Variants in ROBO3 observed in about 807,000 individuals in gnomAD.
The protein encoded by ROBO3 is roundabout homolog 3.
ROBO3 carries 97 observed loss-of-function variants against 160.5 expected under a neutral mutation model. The ratio of observed to expected loss-of-function variants is 0.60; its 90% CI spans 0.51 to 0.72. The LOEUF (loss-of-function observed/expected upper bound fraction) is 0.72, where lower values mean the gene tolerates loss of function less well. Among genes scored for constraint, ROBO3 ranks in the 30% least tolerant of loss-of-function variants. The pLI, the probability that ROBO3 is intolerant of heterozygous loss-of-function variation, is 0.00. For synonymous variants in ROBO3, 780 were observed against 746.2 expected (o/e 1.05, Z -0.74); for missense variants, 1,858 against 1,846.5 (o/e 1.01, Z -0.11).
intron 1 of ROBO3, among the ~76,000 whole-genome samples, chr11:124,866,967 T>C (rs1946205476): frequency 6.6e-6 from 1 of 152,160 alleles, no homozygotes. Flanking sequence ...CTAGCGCGTT[T>C]ACAGAGTGTT....
In ROBO3 at chr11:124,873,879, G is replaced by T. The variant is rs367685536; in HGVS notation, c.1784+17G>T. ...GGCCTTCAGGTATGGAGAAAGTTTT[G>T]AATGCAAACCTGGAGAGTTAAAAGG... On this transcript the variant is annotated intron_variant, in intron 11 of 27. Transcript: ENST00000397801. This position sits in a 1 kb window ranked among gnomAD's most constrained non-coding sequence, Gnocchi z 4.5. The T allele has an allele frequency of 1.5e-5, 24 of 1,611,672 alleles. No individual in the cohort carries two copies. Among genetic ancestry groups the T allele is most frequent in the Non-Finnish European group, 2.0e-5 (24 of 1,178,688 alleles).
rs1946380455 is a variant in ROBO3, at chr11:124,876,512, A to G, written c.2779+52A>G. The stretch of plus-strand genomic sequence containing the variant: ...GATCCGGGAGGGAGCCAGGCGGCCC[A>G]TGGGGAGGGGCAGGGGCTTAGCCGC... On this transcript the variant is annotated intron_variant, in intron 17 of 27. Transcript: ENST00000397801. The surrounding 1 kb of genome is among the most constrained non-coding windows in gnomAD (Gnocchi z 5.3). 2.3e-6 allele frequency: 3 copies of G among 1,328,526 alleles called. No individual in the cohort carries two copies. The highest frequency in any genetic ancestry group is 3.1e-5 in the African/African-American group (2 of 64,650). The allele number at this position is 1,328,526 out of a possible 1,614,324, so 82.3% of individuals were successfully genotyped here.
rs185034993 is a variant in ROBO3, at chr11:124,878,474, G to C, written c.3320+38G>C. On this transcript the variant is annotated intron_variant, in intron 22 of 27. Coordinates refer to ENST00000397801, the MANE Select transcript of ROBO3 (RefSeq NM_022370.4). This position sits in a 1 kb window ranked among gnomAD's most constrained non-coding sequence, Gnocchi z 4.3. ...CCTGCTTCCAGGCCCACACACCTGC[G>C]GCCAGACCATGGGCTGCTGGGGAGG... The C allele has an allele frequency of 2.5e-6, 4 of 1,607,632 alleles. No individual in the cohort carries two copies. The highest frequency in any genetic ancestry group is 1.8e-4 in the Middle Eastern group (1 of 5,714).
In ROBO3 at chr11:124,878,199, C is replaced by T. The variant is rs1946453088; in HGVS notation, c.3181+68C>T. 3 of 1,566,702 alleles carry T rather than the reference C, an allele frequency of 1.9e-6. No homozygotes were observed. The African/African-American group carries it at 4.1e-5, about 21-fold the overall frequency. ...GTATCCCCAAAGAGGATCCTCCTCC[C>T]TGACCCTCTGGCACCTAGCCCGGCA... On this transcript the variant is annotated intron_variant, in intron 21 of 27. Coordinates refer to ENST00000397801, the MANE Select transcript of ROBO3 (RefSeq NM_022370.4). The surrounding 1 kb of genome is among the most constrained non-coding windows in gnomAD (Gnocchi z 4.3).
In ROBO3 at chr11:124,876,739, G is replaced by C. The variant is rs1383508313; in HGVS notation, c.2779+279G>C. On this transcript the variant is annotated intron_variant, in intron 17 of 27. Transcript: ENST00000397801. This position sits in a 1 kb window ranked among gnomAD's most constrained non-coding sequence, Gnocchi z 5.3. The stretch of plus-strand genomic sequence containing the variant: ...TTGCAACCATCTCCATAAAGAAGGG[G>C]CAAGTTCGAGGACGGAAAGCCCACT... The C allele has an allele frequency of 3.1e-6, 1 of 325,934 alleles. No individual in the cohort carries two copies. The highest frequency in any genetic ancestry group is 4.0e-5 in the South Asian group (1 of 24,716). 20.2% of individuals were successfully genotyped at this position (325,934 alleles called of 1,614,324 possible).
In ROBO3 at chr11:124,877,570, G is replaced by GC; in HGVS notation, c.2902dup (p.His968ProfsTer18). ...CCTACTCATGGCTGGCAGATTCGTG[G>GC]CCCCACCCATCTCGAAGCCCCTCGG... On this transcript the variant is annotated frameshift_variant, in exon 20 of 28. Transcript: ENST00000397801. LOFTEE classifies it high-confidence loss of function. 6.2e-7 allele frequency: 1 copy of GC among 1,602,506 alleles called. No individual in the cohort carries two copies. Among genetic ancestry groups the GC allele is most frequent in the Non-Finnish European group, 8.5e-7 (1 of 1,175,104 alleles).
rs770529054 is a variant in ROBO3, at chr11:124,880,552, CGG to C, written c.4094_4095del (p.Arg1365GlnfsTer32). The C allele has an allele frequency of 4.2e-5, 34 of 800,762 alleles. No individual in the cohort carries two copies. In the African/African-American group the frequency reaches 2.0e-3, roughly 48 times the overall value. The allele number at this position is 800,762 out of a possible 1,614,324, so 49.6% of individuals were successfully genotyped here. A position where few individuals can be genotyped will look rare whatever the true frequency, so the allele number is the denominator to read the frequency against. ...SRGSRGPGRS[R>X]SRSQSRSQSQ... Reference sequence around the variant, plus strand: ...GGGCTCCCGGGGCCCTGGCCGGAGCCGGAGTCGGAGTCAGAGCCGGAGCCAGA... The same window carrying C: ...GGGCTCCCGGGGCCCTGGCCGGAGCCAGTCGGAGTCAGAGCCGGAGCCAGA... On this transcript the variant is annotated frameshift_variant, in exon 27 of 28. Transcript: ENST00000397801. LOFTEE classifies it high-confidence loss of function.
At position 124,869,524 on chromosome 11, in the gene ROBO3, G is replaced by C; in HGVS notation, c.562G>C (p.Val188Leu). The stretch of plus-strand genomic sequence containing the variant: ...GGGGGAGCCAGCAGTACTGGAATGC[G>C]TGCCCCCCCGCGGCCACCCGGAGCC... ...AVGEPAVLECVPPRGHPEPSV... is the reference protein window; with the variant it reads ...AVGEPAVLECLPPRGHPEPSV... Residue 188 changes from valine to leucine, a missense_variant, in exon 3 of 28, where the codon GTG becomes CTG. By Grantham distance (32) the Val-to-Leu change is conservative (BLOSUM62 1). Coordinates refer to ENST00000397801, the MANE Select transcript of ROBO3 (RefSeq NM_022370.4). This position sits in a 1 kb window ranked among gnomAD's most constrained non-coding sequence, Gnocchi z 4.2. 1 of 1,559,794 alleles carries C rather than the reference G, an allele frequency of 6.4e-7. No homozygotes were observed. Among genetic ancestry groups the C allele is most frequent in the Non-Finnish European group, 8.7e-7 (1 of 1,151,806 alleles).
rs11219822 is a variant in ROBO3 at position 124,876,748 on chromosome 11, A to C, written c.2779+288A>C. 0.42 allele frequency: 137,174 copies of C among 330,256 alleles called. 27,984 individuals are homozygous for C. The highest frequency in any genetic ancestry group is 0.49 in the Non-Finnish European group (90,936 of 185,228). The allele number at this position is 330,256 out of a possible 1,614,324, so 20.5% of individuals were successfully genotyped here. ...TCTCCATAAAGAAGGGGCAAGTTCG[A>C]GGACGGAAAGCCCACTCAAAGGGCG... On this transcript the variant is annotated intron_variant, in intron 17 of 27. Transcript: ENST00000397801. The surrounding 1 kb of genome is among the most constrained non-coding windows in gnomAD (Gnocchi z 5.3).
At chr11:124,870,565 T>C (rs1946267821) in intron 5 of ROBO3, 36 bp from the exon 6 acceptor site, 1 of 1,613,104 alleles carries the variant, frequency 6.2e-7, no homozygotes, top group African/African-American at 1.3e-5. Flanking sequence ...GGTCTGTAGC[T>C]GTGGCCAACC....
Position 124,871,106 on chromosome 11 carries a change from C to T in ROBO3, c.1126C>T (p.Pro376Ser). 6.2e-7 allele frequency: 1 copy of T among 1,613,630 alleles called. No individual in the cohort carries two copies. Among genetic ancestry groups the T allele is most frequent in the Non-Finnish European group, 8.5e-7 (1 of 1,179,644 alleles). ...GTGCGAGACCAAAGGAAACCCCCCA[C>T]CTGCCATCTTCTGGCAGAAGGAGGG... ...FQCETKGNPP[P>S]AIFWQKEGSQ... The change falls in exon 7 of 28, where the codon CCT becomes TCT. Residue 376 changes from proline (P) to serine (S), a missense_variant. Coordinates refer to ENST00000397801, the MANE Select transcript of ROBO3 (RefSeq NM_022370.4).
chr11:124,872,977 C>CCCAG lies in ROBO3; in HGVS notation c.1424_1425insCCAG (p.Gly476GlnfsTer21). The CCCAG allele has an allele frequency of 2.5e-6, 4 of 1,613,674 alleles. No individual in the cohort carries two copies. The highest frequency in any genetic ancestry group is 3.4e-6 in the Non-Finnish European group (4 of 1,179,850). On this transcript the variant is annotated frameshift_variant, in exon 9 of 28. Coordinates refer to ENST00000397801, the MANE Select transcript of ROBO3 (RefSeq NM_022370.4). LOFTEE classifies it high-confidence loss of function. The surrounding 1 kb of genome is among the most constrained non-coding windows in gnomAD (Gnocchi z 4.3). ...TCCGTGTGGCTGCCCTGCAGAGTGA[C>CCCAG]TGGGAACCCTCAACCCAGTGTCCGA... is the stretch of plus-strand genomic sequence containing the variant.
In ROBO3 at chr11:124,872,842, C is replaced by A; in HGVS notation, c.1331-42C>A. ...AGGACAAGGGGCTGCCCGCGGGGCC[C>A]TAAGCTCCTCCCCTGAGGTGCACAC... is the stretch of plus-strand genomic sequence containing the variant. On this transcript the variant is annotated intron_variant, in intron 8 of 27. Coordinates refer to ENST00000397801, the MANE Select transcript of ROBO3 (RefSeq NM_022370.4). The surrounding 1 kb of genome is among the most constrained non-coding windows in gnomAD (Gnocchi z 4.3). 1 of 1,490,272 alleles carries A rather than the reference C, an allele frequency of 6.7e-7. No homozygotes were observed. Among genetic ancestry groups the A allele is most frequent in the Non-Finnish European group, 9.0e-7 (1 of 1,111,392 alleles). The allele number at this position is 1,490,272 out of a possible 1,614,324, so 92.3% of individuals were successfully genotyped here.
chr11:124,877,781 C>T (rs754130574), intron 20 of ROBO3, 123 bp downstream of exon 20: 1 of 1,345,864 alleles, frequency 7.4e-7, no homozygotes, highest in African/African-American at 1.5e-5. Flanking sequence ...AGGATGTGAG[C>T]TGGGGAAGCC....
At chr11:124,867,152 C>A (rs949021245) in intron 1 of ROBO3, among the ~76,000 whole-genome samples, 2 of 152,040 alleles carry the variant, frequency 1.3e-5, no homozygotes, top group African/African-American at 4.8e-5. Context: ...TTCCATTACA[C>A]CTGAGGGCTA....
chr11:124,879,763 C>A (rs202085174), intron 25 of ROBO3, 24 bp from the exon 26 acceptor site: 1 of 1,610,608 alleles, frequency 6.2e-7, no homozygotes, highest in East Asian at 2.2e-5. Context: ...CAGGAGGCTC[C>A]GCTGAAAACA....
chr11:124,878,810 T>A lies in ROBO3; in HGVS notation c.3533+14T>A. On this transcript the variant is annotated intron_variant, in intron 23 of 27. Transcript: ENST00000397801. This position sits in a 1 kb window ranked among gnomAD's most constrained non-coding sequence, Gnocchi z 4.3. Reference sequence around the variant, plus strand: ...TCAGATGCCCAGGTAGGGAGGTATATAGTACCTCACTCATTGCAAGCCCTC... The same window carrying A: ...TCAGATGCCCAGGTAGGGAGGTATAAAGTACCTCACTCATTGCAAGCCCTC... 1.3e-6 allele frequency: 2 copies of A among 1,584,700 alleles called. No homozygotes were observed. Among genetic ancestry groups the A allele is most frequent in the Non-Finnish European group, 1.7e-6 (2 of 1,156,572 alleles).
In ROBO3 at chr11:124,879,497, C is replaced by G. The variant is rs200645764; in HGVS notation, c.3718C>G (p.Pro1240Ala). ...CTGGCAGGGGAATGGGGAGATGACT[C>G]CCCCACTTCAAGGACCCCGTGCTCG... ...RTWQGNGEMT[P>A]PLQGPRARFR... The change falls in exon 25 of 28, where the codon CCC becomes GCC. Residue 1240 changes from proline (P) to alanine (A), a missense_variant. Physicochemically the swap from Pro to Ala is conservative, Grantham distance 27. Transcript: ENST00000397801. 15 of 1,613,810 alleles carry G rather than the reference C, an allele frequency of 9.3e-6. No homozygotes were observed. In the Admixed American group the frequency reaches 1.8e-4, roughly 20 times the overall value.
Position 124,865,793 on chromosome 11 carries a change from G to A in ROBO3, c.160+56G>A. 6.6e-7 allele frequency: 1 copy of A among 1,523,722 alleles called. No individual in the cohort carries two copies. The highest frequency in any genetic ancestry group is 2.4e-5 in the East Asian group (1 of 42,288). The allele number at this position is 1,523,722 out of a possible 1,614,324, so 94.4% of individuals were successfully genotyped here. A position where few individuals can be genotyped will look rare whatever the true frequency, so the allele number is the denominator to read the frequency against. On this transcript the variant is annotated intron_variant, in intron 1 of 27. Coordinates refer to ENST00000397801, the MANE Select transcript of ROBO3 (RefSeq NM_022370.4). This position sits in a 1 kb window ranked among gnomAD's most constrained non-coding sequence, Gnocchi z 5.5. ...CCTGGGATGGGGATGAGGTGAGAGGGCGGCGTGGAAGGGAAGGAGAAGCGC... is the reference window on the plus strand; with the variant it reads ...CCTGGGATGGGGATGAGGTGAGAGGACGGCGTGGAAGGGAAGGAGAAGCGC...
Sources: gnomAD v4.1 joint callset for allele counts (sites outside exome capture counted in the v4.1 genomes callset) on GRCh38, gnomAD v4.1.1 for gene constraint, Gnocchi (gnomAD v3.1) non-coding constraint, MANE v1.5 for transcripts, NCBI Gene and HGNC (gene_info 2026-07-23, HGNC 2026-07-21) for gene names.